DNAH6: variants seen among roughly 807,000 people sequenced by gnomAD.
DNAH6 encodes axonemal beta dynein heavy chain 6.
In DNAH6, 340 loss-of-function variants were observed where a neutral mutation model predicts 491.4. The observed-to-expected ratio is 0.69, with a 90% CI of 0.63 to 0.76. The LOEUF (loss-of-function observed/expected upper bound fraction) is 0.76, where lower values mean the gene tolerates loss of function less well. Among genes scored for constraint, DNAH6 ranks in the 30% least tolerant of loss-of-function variants. DNAH6 has a pLI of 0.00. For synonymous variants in DNAH6, 1,603 were observed against 1,686.1 expected, an observed-to-expected ratio of 0.95 and a Z score of 1.21; for missense variants, 4,443 against 4,972.2, an observed-to-expected ratio of 0.89 and a Z score of 3.20.
chr2:84,577,195 G>A lies in DNAH6; in HGVS notation c.1925-62G>A, dbSNP rs563307279. 27 of 997,200 alleles carry A rather than the reference G, an allele frequency of 2.7e-5. No homozygotes were observed. The East Asian group carries it at 6.8e-4, about 25-fold the overall frequency. 61.8% of individuals were successfully genotyped at this position (997,200 alleles called of 1,614,324 possible). On this transcript the variant is annotated intron_variant, in intron 12 of 76. Transcript: ENST00000389394. Reference sequence around the variant, plus strand: ...AATGCAATGATTTTTAATATATTTTGTAATGATCTTTTAAAATCCAATATG... The same window carrying A: ...AATGCAATGATTTTTAATATATTTTATAATGATCTTTTAAAATCCAATATG...
chr2:84,731,531 C>T, intron 61 of DNAH6, among the ~76,000 whole-genome samples: 1 of 152,230 alleles, frequency 6.6e-6, no homozygotes, highest in East Asian at 1.9e-4. Context: ...GAATATGCCC[C>T]TGCGAAAAGT....
chr2:84,464,539 G>T, the DNAH6 span, among the ~76,000 whole-genome samples: 3 of 152,154 alleles, frequency 2.0e-5, 1 homozygote, highest in South Asian at 6.2e-4. Context: ...TAAAAGAATG[G>T]CTACTCCATA....
At chr2:84,598,159 C>CTTTCTTTCTCTTTCTCTCTTTCT (rs1684842177) in intron 18 of DNAH6, among the ~76,000 whole-genome samples, 5 of 71,202 alleles carry the variant, frequency 7.0e-5, no homozygotes, top group African/African-American at 1.7e-4. Context: ...TTCTTTCTTT[C>CTTTCTTTCTCTTTCTCTCTTTCT]TTTCTTTCTT....
intron 59 of DNAH6, among the ~76,000 whole-genome samples, chr2:84,721,558 A>C (rs1427493): frequency 0.18 from 27,029 of 152,204 alleles, 2,588 homozygotes; most frequent in African/African-American, 0.23. Context: ...GTAGTGTAAA[A>C]TACACAACAG....
rs750679897 is a variant in DNAH6 at position 84,557,780 on chromosome 2, T to C, written c.1648T>C (p.Ser550Pro). The C allele has an allele frequency of 6.2e-7, 1 of 1,611,132 alleles. No homozygotes were observed. Among genetic ancestry groups the C allele is most frequent in the Admixed American group, 1.7e-5 (1 of 59,956 alleles). Residue 550 changes from serine (S) to proline (P), a missense_variant, in exon 11 of 77, where the codon TCA (serine) becomes CCA (proline). Physicochemically the swap from Ser to Pro is moderately conservative, Grantham distance 74. Around this residue, in one of 3 missense-constraint regions of DNAH6, gnomAD observed 2,977 missense variants for 3,296.6 expected, o/e 0.90. Transcript: ENST00000389394. ...TAATCACTGTCAAAACACTGTGTTATCAGTTCCTAATCTCGTGCCTGATTC... is the reference window on the plus strand; with the variant it reads ...TAATCACTGTCAAAACACTGTGTTACCAGTTCCTAATCTCGTGCCTGATTC... ...AVNHCQNTVL[S>P]VPNLVPDSYF...
chr2:84,791,274 G>A (rs576492041), intron 68 of DNAH6, among the ~76,000 whole-genome samples: 13 of 151,060 alleles, frequency 8.6e-5, no homozygotes, highest in African/African-American at 2.7e-4. Flanking sequence ...GTTCATAATG[G>A]CCAAAAATGT....
intron 14 of DNAH6, 52 bp from the exon 15 acceptor site, chr2:84,583,947 G>A: frequency 1.3e-6 from 2 of 1,590,974 alleles, no homozygotes; most frequent in Non-Finnish European, 1.7e-6. Context: ...CAAACTTCAA[G>A]ACTAAACTAG....
intron 37 of DNAH6, among the ~76,000 whole-genome samples, chr2:84,666,458 A>G (rs941272879): frequency 5.3e-5 from 8 of 152,178 alleles, no homozygotes; most frequent in African/African-American, 1.2e-4. Flanking sequence ...TACACCAATA[A>G]GAGACAAACA....
chr2:84,611,567 C>A, intron 21 of DNAH6, 107 bp from the exon 22 acceptor site: 1 of 964,846 alleles, frequency 1.0e-6, no homozygotes, highest in Non-Finnish European at 1.5e-6. Flanking sequence ...CATAACACCA[C>A]CCTCAAGGAA....
intron 63 of DNAH6, among the ~76,000 whole-genome samples, chr2:84,745,881 G>A (rs1672928965): frequency 2.0e-5 from 3 of 152,052 alleles, no homozygotes; most frequent in African/African-American, 7.2e-5. Flanking sequence ...ACAATGGAGA[G>A]GAGACATTTG....
intron 65 of DNAH6, among the ~76,000 whole-genome samples, chr2:84,783,708 G>C (rs943336719): frequency 1.3e-5 from 2 of 152,182 alleles, no homozygotes; most frequent in African/African-American, 4.8e-5. Flanking sequence ...ATAAACAAAA[G>C]AACCATAGAT....
At chr2:84,745,398 G>A in intron 63 of DNAH6, 149 bp downstream of exon 63, 4 of 574,146 alleles carry the variant, frequency 7.0e-6, no homozygotes, top group Non-Finnish European at 5.6e-6. Context: ...GAGCGCCGTG[G>A]CTCACGCCTG....
chr2:84,587,074 A>G (rs955923502), intron 15 of DNAH6, among the ~76,000 whole-genome samples: 3 of 152,198 alleles, frequency 2.0e-5, no homozygotes, highest in Non-Finnish European at 1.5e-5. Context: ...CTAGTACCCA[A>G]TAGATATTTT....
chr2:84,814,117 A>T lies in DNAH6; in HGVS notation c.12145A>T (p.Met4049Leu). 6.4e-7 allele frequency: 1 copy of T among 1,551,526 alleles called. No homozygotes were observed. The highest frequency in any genetic ancestry group is 8.7e-7 in the Non-Finnish European group (1 of 1,146,896). The stretch of plus-strand genomic sequence containing the variant: ...ATTTGGACAAGAACTGCCCATGGAC[A>T]TGGAGGTATTGTCCACCTGGCTGTT... ...VQFGQELPMD[M>L]ELPSPEDGVL... Residue 4049 changes from methionine (M) to leucine (L), a missense_variant, in exon 75 of 77, where the codon ATG (methionine) becomes TTG (leucine). By Grantham distance (15) the Met-to-Leu change is conservative (BLOSUM62 2). Around this residue, in one of 3 missense-constraint regions of DNAH6, gnomAD observed 1,463 missense variants for 1,656.6 expected, o/e 0.88. Transcript: ENST00000389394.
chr2:84,762,343 G>A (rs1674673760), intron 63 of DNAH6, among the ~76,000 whole-genome samples: 1 of 152,198 alleles, frequency 6.6e-6, no homozygotes, highest in Admixed American at 6.5e-5. Flanking sequence ...TATTTTTAAG[G>A]ATGGAATATA....
chr2:84,677,073 C>G lies in DNAH6; in HGVS notation c.6681C>G (p.Ile2227Met). ...GCAACCCTGTGACTCCCCGCTTCAT[C>G]AGACACTTCAGCATGCTGTGCCTCC... Reference protein sequence around the residue: ...GGRNPVTPRFIRHFSMLCLPM... With the variant: ...GGRNPVTPRFMRHFSMLCLPM... The change falls in exon 41 of 77, where the codon ATC (isoleucine) becomes ATG (methionine). Residue 2227 changes from isoleucine (I) to methionine (M), a missense_variant. Coordinates refer to ENST00000389394, the MANE Select transcript of DNAH6 (RefSeq NM_001370.2). The G allele has an allele frequency of 5.2e-6, 8 of 1,551,766 alleles. No individual in the cohort carries two copies. The highest frequency in any genetic ancestry group is 7.0e-6 in the Non-Finnish European group (8 of 1,146,986).
In DNAH6 at chr2:84,709,516, A is replaced by G; in HGVS notation, c.9222A>G (p.Arg3074=). The G allele has an allele frequency of 6.4e-6, 10 of 1,551,718 alleles. No homozygotes were observed. Among genetic ancestry groups the G allele is most frequent in the South Asian group, 1.2e-5 (1 of 84,056 alleles). The change falls in exon 55 of 77, where the codon AGA becomes AGG. Residue 3074 remains arginine (R), a synonymous_variant. Coordinates refer to ENST00000389394, the MANE Select transcript of DNAH6 (RefSeq NM_001370.2). The part of the protein sequence containing the change: ...ENGILVTQGR[R]WPLMIDPQDQ... Reference sequence around the variant, plus strand: ...GCATTTTGGTTACTCAAGGCAGAAGATGGCCTTTGATGATTGATCCCCAAG... The same window carrying G: ...GCATTTTGGTTACTCAAGGCAGAAGGTGGCCTTTGATGATTGATCCCCAAG...
At chr2:84,722,859 G>T (rs767314759) in intron 60 of DNAH6, 55 bp downstream of exon 60, 1 of 1,052,468 alleles carries the variant, frequency 9.5e-7, no homozygotes, top group Non-Finnish European at 1.3e-6. Context: ...CATTACACCT[G>T]TTGAATTACT....
intron 64 of DNAH6, chr2:84,778,351 T>C (rs1476444615): frequency 2.6e-6 from 1 of 382,088 alleles, no homozygotes; most frequent in Non-Finnish European, 4.9e-6. Context: ...GTATGGATTT[T>C]GGGGTCCCAA....
Sources: allele counts gnomAD v4.1 joint callset (sites outside exome capture counted in the v4.1 genomes callset), GRCh38; gene constraint gnomAD v4.1.1; regional missense constraint gnomAD v4.1.1; transcripts MANE v1.5; gene names NCBI Gene and HGNC (gene_info 2026-07-23, HGNC 2026-07-21).